Variants in BLM observed in about 807,000 individuals in gnomAD.
The protein encoded by BLM is BLM RecQ like helicase, also known as recQ-like DNA helicase BLM.
BLM carries 95 observed loss-of-function variants against 135.3 expected under a neutral mutation model. The observed-to-expected ratio is 0.70, with a 90% confidence interval of 0.59 to 0.83. The LOEUF is 0.83. Among genes scored for constraint, BLM ranks in the 40% least tolerant of loss-of-function variants. The probability of loss-of-function intolerance (pLI) is 0.00; values close to 1 mark genes in which losing one functional copy is unlikely to be tolerated. For synonymous variants in BLM, 520 were observed against 589.2 expected (o/e 0.88, Z 1.70); for missense variants, 1,518 against 1,663.9 (o/e 0.91, Z 1.53).
chr15:90,728,435 C>T (rs1894974384), intron 1 of BLM, among the ~76,000 whole-genome samples: 1 of 152,114 alleles, frequency 6.6e-6, no homozygotes, highest in Non-Finnish European at 1.5e-5. Context: ...CTCACTCTGT[C>T]ACCCAGACTG....
intron 1 of BLM, among the ~76,000 whole-genome samples, chr15:90,719,756 A>C (rs1025258473): frequency 3.9e-5 from 6 of 152,176 alleles, no homozygotes; most frequent in Non-Finnish European, 8.8e-5. Context: ...TTTAATTTAC[A>C]TATATATGTG....
chr15:90,751,496 A>G (rs1480913851), intron 3 of BLM, among the ~76,000 whole-genome samples: 1 of 152,264 alleles, frequency 6.6e-6, no homozygotes, highest in Non-Finnish European at 1.5e-5. Flanking sequence ...GTTAAAAACT[A>G]GAAACGTCAA....
At chr15:90,782,185 C>G (rs188407013) in intron 12 of BLM, among the ~76,000 whole-genome samples, 3 of 151,994 alleles carry the variant, frequency 2.0e-5, no homozygotes, top group Admixed American at 1.3e-4. Flanking sequence ...GTCAGGAGTT[C>G]GAGACCAGCC....
Position 90,750,072 on chromosome 15 carries a change from CAATT to C in BLM, c.799+7_799+10del, listed in dbSNP as rs1218966283. 8 of 1,612,470 alleles carry C rather than the reference CAATT, an allele frequency of 5.0e-6. No homozygotes were observed. The highest frequency in any genetic ancestry group is 6.8e-6 in the Non-Finnish European group (8 of 1,178,760). Reference sequence around the variant, plus strand: ...CTCATTTGGAAGATGAAAGAGGTAACAATTATTTTATCTTCATTTTAGTATGTTC... The same window carrying C: ...CTCATTTGGAAGATGAAAGAGGTAACATTTTATCTTCATTTTAGTATGTTC... On this transcript the variant is annotated splice_donor_region_variant and intron_variant, in intron 3 of 21. Transcript: ENST00000355112.
At chr15:90,785,698 C>T (rs1461128680) in intron 14 of BLM, among the ~76,000 whole-genome samples, 1 of 152,084 alleles carries the variant, frequency 6.6e-6, no homozygotes, top group Admixed American at 6.6e-5. Context: ...TGTGCGCCAC[C>T]ATGGCCAGCT....
intron 14 of BLM, among the ~76,000 whole-genome samples, chr15:90,789,622 G>C (rs1339537514): frequency 1.3e-5 from 2 of 152,008 alleles, no homozygotes; most frequent in African/African-American, 2.4e-5. Flanking sequence ...CGCCATTCCT[G>C]GTGTTGATAA....
At chr15:90,734,112 A>T (rs1442014723) in intron 1 of BLM, among the ~76,000 whole-genome samples, 2 of 152,174 alleles carry the variant, frequency 1.3e-5, no homozygotes, top group Admixed American at 1.3e-4. Flanking sequence ...CATCACCAAG[A>T]TGTATACCAG....
intron 4 of BLM, among the ~76,000 whole-genome samples, chr15:90,753,397 C>A (rs1469907777): frequency 6.6e-6 from 1 of 152,146 alleles, no homozygotes; most frequent in African/African-American, 2.4e-5. Flanking sequence ...TACTTTATTT[C>A]TCTTAGCATT....
Position 90,750,066 on chromosome 15 carries a change from A to G in BLM, c.798A>G (p.Arg266=), listed in dbSNP as rs1895641349. Residue 266 remains arginine (R), a splice_region_variant and synonymous_variant, in exon 3 of 22, where the codon AGA becomes AGG. Coordinates refer to ENST00000355112, the MANE Select transcript of BLM (RefSeq NM_000057.4). ...TGAAAACTCATTTGGAAGATGAAAGAGGTAACAATTATTTTATCTTCATTT... is the reference window on the plus strand; with the variant it reads ...TGAAAACTCATTTGGAAGATGAAAGGGGTAACAATTATTTTATCTTCATTT... ...DSLKTHLEDE[R]DNSEKKKNLE... 6.2e-7 allele frequency: 1 copy of G among 1,613,440 alleles called. No homozygotes were observed. Among genetic ancestry groups the G allele is most frequent in the African/African-American group, 1.3e-5 (1 of 74,926 alleles).
In BLM at chr15:90,815,197, G is replaced by C. The variant is rs770278313; in HGVS notation, c.4172G>C (p.Gly1391Ala). 1.9e-6 allele frequency: 3 copies of C among 1,614,024 alleles called. No individual in the cohort carries two copies. Among genetic ancestry groups the C allele is most frequent in the South Asian group, 1.1e-5 (1 of 91,086 alleles). The stretch of plus-strand genomic sequence containing the variant: ...TCACATACTTCTCAAGCGACATCAG[G>C]AGCCAATAGCAAATTGGGGATTATG... ...SASHTSQATS[G>A]ANSKLGIMAP... Residue 1391 changes from glycine to alanine, a missense_variant, in exon 22 of 22, where the codon GGA (glycine) becomes GCA (alanine). This residue lies in a region of BLM where 153 missense variants were observed against 173.4 expected (regional missense o/e 0.88). Coordinates refer to ENST00000355112, the MANE Select transcript of BLM (RefSeq NM_000057.4). The surrounding 1 kb of genome is among the most constrained non-coding windows in gnomAD (Gnocchi z 4.6).
chr15:90,741,380 C>A (rs1895360522), intron 1 of BLM, among the ~76,000 whole-genome samples: 1 of 152,118 alleles, frequency 6.6e-6, no homozygotes, highest in African/African-American at 2.4e-5. Context: ...CTTTTTATCT[C>A]TGCTTGGAAT....
At chr15:90,765,506 G>A in intron 9 of BLM, 92 bp downstream of exon 9, 2 of 1,072,872 alleles carry the variant, frequency 1.9e-6, no homozygotes, top group Non-Finnish European at 2.8e-6. Flanking sequence ...TTCGTGATTT[G>A]TAAAAAATAA....
intron 8 of BLM, 31 bp downstream of exon 8, chr15:90,763,188 A>C: frequency 1.2e-6 from 2 of 1,603,238 alleles, no homozygotes; most frequent in Non-Finnish European, 1.7e-6. Flanking sequence ...ATTGGCAGGA[A>C]TCCATTGGCA....
chr15:90,814,632 A>G (rs1316467288), intron 21 of BLM, among the ~76,000 whole-genome samples: 2 of 152,162 alleles, frequency 1.3e-5, no homozygotes, highest in South Asian at 4.1e-4. Context: ...GCTCCACCCC[A>G]TGCATGCTCA....
chr15:90,756,472 T>C (rs924274345), intron 5 of BLM, among the ~76,000 whole-genome samples: 3 of 152,216 alleles, frequency 2.0e-5, no homozygotes, highest in African/African-American at 7.2e-5. Flanking sequence ...CGTTAAATAG[T>C]TACACACCGT....
intron 17 of BLM, among the ~76,000 whole-genome samples, chr15:90,803,309 A>G (rs1567062494): frequency 6.6e-6 from 1 of 152,126 alleles, no homozygotes; most frequent in Non-Finnish European, 1.5e-5. Flanking sequence ...GTCCATGTGT[A>G]TTGTAAAAAG....
Position 90,751,704 on chromosome 15 carries a change from A to C in BLM, c.800-83A>C. On this transcript the variant is annotated intron_variant, in intron 3 of 21. Coordinates refer to ENST00000355112, the MANE Select transcript of BLM (RefSeq NM_000057.4). The stretch of plus-strand genomic sequence containing the variant: ...TGATTGTTTGTGACTTGCCAGAAGC[A>C]CTCATTCTTAATCGCTCATGCCCTG... The C allele has an allele frequency of 1.7e-6, 2 of 1,187,926 alleles. 1 individual carries two copies. The highest frequency in any genetic ancestry group is 2.5e-5 in the South Asian group (2 of 79,146). The allele number at this position is 1,187,926 out of a possible 1,614,324, so 73.6% of individuals were successfully genotyped here. A position where few individuals can be genotyped will look rare whatever the true frequency, so the allele number is the denominator to read the frequency against.
At chr15:90,756,049 T>G (rs1279267070) in intron 5 of BLM, among the ~76,000 whole-genome samples, 2 of 152,212 alleles carry the variant, frequency 1.3e-5, no homozygotes, top group Admixed American at 1.3e-4. Context: ...TAAAGTGCCT[T>G]ACAATATTAA....
At chr15:90,742,610 T>G (rs777243383) in intron 1 of BLM, among the ~76,000 whole-genome samples, 1 of 152,072 alleles carries the variant, frequency 6.6e-6, no homozygotes, top group Non-Finnish European at 1.5e-5. Flanking sequence ...CTCTCTCTTT[T>G]TTTTTTAAAG....
Sources: allele counts gnomAD v4.1 joint callset (sites outside exome capture counted in the v4.1 genomes callset), GRCh38; gene constraint gnomAD v4.1.1; regional missense constraint gnomAD v4.1.1; non-coding constraint Gnocchi (gnomAD v3.1); transcripts MANE v1.5; gene names NCBI Gene and HGNC (gene_info 2026-07-23, HGNC 2026-07-21).